Variants in KCNJ6 observed in about 807,000 individuals in gnomAD.
KCNJ6 encodes the protein potassium inwardly rectifying channel subfamily J member 6.
A neutral mutation model predicts 34.2 loss-of-function variants in KCNJ6; 9 were observed. The observed-to-expected ratio is 0.26, with a 90% CI of 0.16 to 0.46. The LOEUF is 0.46. Ranked by LOEUF, KCNJ6 falls within the 20% of genes least tolerant of loss-of-function variation. The pLI, the probability that KCNJ6 is intolerant of heterozygous loss-of-function variation, is 1.00. For synonymous variants in KCNJ6, 196 were observed against 207.1 expected (o/e 0.95, Z 0.46); for missense variants, 236 against 531.3 (o/e 0.44, Z 5.46).
intron 2 of KCNJ6, among the ~76,000 whole-genome samples, chr21:37,797,535 A>T (rs1413668652): frequency 6.6e-6 from 1 of 152,148 alleles, no homozygotes; most frequent in East Asian, 1.9e-4. Context: ...CAGAATTATA[A>T]CACCAATGAA....
intron 3 of KCNJ6, among the ~76,000 whole-genome samples, chr21:37,672,104 G>A (rs930537599): frequency 6.6e-6 from 1 of 152,052 alleles, no homozygotes; most frequent in African/African-American, 2.4e-5. Flanking sequence ...TCTACCTGTA[G>A]TCTAGGAGGG....
chr21:37,639,302 C>T (rs1207760636), intron 3 of KCNJ6, among the ~76,000 whole-genome samples: 3 of 152,174 alleles, frequency 2.0e-5, no homozygotes, highest in African/African-American at 7.2e-5. Context: ...TCTACAGATG[C>T]ACTTTGCCCT....
At chr21:37,632,159 A>T (rs1333932598) in intron 3 of KCNJ6, among the ~76,000 whole-genome samples, 1 of 152,008 alleles carries the variant, frequency 6.6e-6, no homozygotes. Context: ...GAACTGGAGA[A>T]GAGGATTTCC....
intron 2 of KCNJ6, among the ~76,000 whole-genome samples, chr21:37,752,944 C>A (rs1469770871): frequency 6.6e-6 from 1 of 152,160 alleles, no homozygotes; most frequent in Admixed American, 6.6e-5. Flanking sequence ...AATCCACACA[C>A]AGGTGTCCAA....
chr21:37,757,813 C>T (rs567469310), intron 2 of KCNJ6, among the ~76,000 whole-genome samples: 2 of 152,386 alleles, frequency 1.3e-5, no homozygotes, highest in Non-Finnish European at 2.9e-5. Context: ...AGGCCACACG[C>T]CTAGTCACTG....
At chr21:37,656,258 C>T (rs2054463558) in intron 3 of KCNJ6, among the ~76,000 whole-genome samples, 2 of 152,182 alleles carry the variant, frequency 1.3e-5, no homozygotes, top group Admixed American at 1.3e-4. Flanking sequence ...GGGGTTCTTC[C>T]TGCTGTGCTC....
chr21:37,880,673 A>G (rs1478781092), intron 1 of KCNJ6, among the ~76,000 whole-genome samples: 2 of 152,222 alleles, frequency 1.3e-5, no homozygotes, highest in South Asian at 2.1e-4. Context: ...AGGTTAATAG[A>G]TGGGCCATAA....
chr21:37,702,553 G>T (rs1430196288), intron 3 of KCNJ6, among the ~76,000 whole-genome samples: 1 of 152,142 alleles, frequency 6.6e-6, no homozygotes, highest in Non-Finnish European at 1.5e-5. Context: ...CTTCTGCTTT[G>T]GCCATACTGG....
chr21:37,715,184 A>C, intron 2 of KCNJ6, 53 bp from the exon 3 acceptor site: 1 of 1,473,178 alleles, frequency 6.8e-7, no homozygotes, highest in East Asian at 2.3e-5. Flanking sequence ...TGGCTCTTTG[A>C]GGACAATGGA....
At chr21:37,752,171 C>T (rs780896565) in intron 2 of KCNJ6, among the ~76,000 whole-genome samples, 26 of 152,164 alleles carry the variant, frequency 1.7e-4, no homozygotes, top group African/African-American at 4.3e-4. Flanking sequence ...TAGGTCAAGG[C>T]GGGCTGCTCT....
intron 2 of KCNJ6, among the ~76,000 whole-genome samples, chr21:37,718,473 G>C (rs753980400): frequency 3.9e-5 from 6 of 152,188 alleles, no homozygotes; most frequent in Non-Finnish European, 7.3e-5. Flanking sequence ...TCTGGGTTTA[G>C]TGTTTGTAAT....
intron 2 of KCNJ6, among the ~76,000 whole-genome samples, chr21:37,783,410 T>C (rs1047200793): frequency 3.9e-5 from 6 of 152,188 alleles, no homozygotes; most frequent in African/African-American, 4.8e-5. Context: ...TCACGAGATC[T>C]GATGGTTTTA....
intron 2 of KCNJ6, among the ~76,000 whole-genome samples, chr21:37,749,481 G>A (rs2054983875): frequency 6.6e-6 from 1 of 152,182 alleles, no homozygotes; most frequent in Non-Finnish European, 1.5e-5. Context: ...TCACTAGATG[G>A]TGTGAGATGC....
intron 1 of KCNJ6, among the ~76,000 whole-genome samples, chr21:37,872,027 C>T (rs572671398): frequency 3.3e-5 from 5 of 151,476 alleles, no homozygotes; most frequent in South Asian, 2.1e-4. Context: ...TTTTTTTTGA[C>T]GGGGATTGTG....
rs2054232413 is a variant in KCNJ6, at chr21:37,608,625, T to C, written c.*16534A>G. On this transcript the variant is annotated 3_prime_UTR_variant, in exon 4 of 4. Coordinates refer to ENST00000609713, the MANE Select transcript of KCNJ6 (RefSeq NM_002240.5). ...CTGTCCCTCTTCGTTTAGGTATTTCTAAAACTAGACTCAGTTACTTCACGT... is the reference window on the plus strand; with the variant it reads ...CTGTCCCTCTTCGTTTAGGTATTTCCAAAACTAGACTCAGTTACTTCACGT... 1 of 152,272 alleles carries C rather than the reference T, an allele frequency of 6.6e-6. No individual in the cohort carries two copies. The highest frequency in any genetic ancestry group is 1.5e-5 in the Non-Finnish European group (1 of 68,058). 9.4% of individuals were successfully genotyped at this position (152,272 alleles called of 1,614,324 possible). A position where few individuals can be genotyped will look rare whatever the true frequency, so the allele number is the denominator to read the frequency against.
intron 1 of KCNJ6, 51 bp downstream of exon 1, chr21:37,915,833 C>T (rs564709374): frequency 6.6e-6 from 1 of 152,372 alleles, no homozygotes; most frequent in Non-Finnish European, 1.5e-5. Context: ...GAACGCCTCG[C>T]CCAGGTGGAC....
intron 3 of KCNJ6, among the ~76,000 whole-genome samples, chr21:37,661,893 G>A (rs2054491346): frequency 6.6e-6 from 1 of 151,766 alleles, no homozygotes. Flanking sequence ...CTCCCAAAGT[G>A]CTGAGATTAC....
chr21:37,672,740 C>G (rs539535335), intron 3 of KCNJ6, among the ~76,000 whole-genome samples: 1 of 152,036 alleles, frequency 6.6e-6, no homozygotes, highest in African/African-American at 2.4e-5. Context: ...CTTTTTCTCC[C>G]TTCCCCTTCC....
intron 2 of KCNJ6, among the ~76,000 whole-genome samples, chr21:37,795,165 G>T (rs1044460013): frequency 7.2e-5 from 11 of 152,190 alleles, no homozygotes; most frequent in South Asian, 4.1e-4. Flanking sequence ...AACTAAAGAA[G>T]TTGAGGAAAC....
Sources: allele counts gnomAD v4.1 joint callset (sites outside exome capture counted in the v4.1 genomes callset), GRCh38; gene constraint gnomAD v4.1.1; transcripts MANE v1.5; gene names NCBI Gene and HGNC (gene_info 2026-07-23, HGNC 2026-07-21).